ADAM22: variants seen among roughly 807,000 people sequenced by gnomAD.
ADAM22 encodes disintegrin and metalloproteinase domain-containing protein 22.
A neutral mutation model predicts 144.6 loss-of-function variants in ADAM22; 65 were observed. The ratio of observed to expected loss-of-function variants is 0.45; its 90% CI spans 0.37 to 0.55. The LOEUF (loss-of-function observed/expected upper bound fraction) is 0.55, where lower values mean the gene tolerates loss of function less well. Among genes scored for constraint, ADAM22 ranks in the 20% least tolerant of loss-of-function variants. The probability of loss-of-function intolerance (pLI) is 0.00; values close to 1 mark genes in which losing one functional copy is unlikely to be tolerated. For synonymous variants in ADAM22, 391 were observed against 412.6 expected (o/e 0.95, Z 0.63); for missense variants, 974 against 1,184.9 (o/e 0.82, Z 2.61).
intron 13 of ADAM22, among the ~76,000 whole-genome samples, chr7:88,135,044 C>T (rs138238462): frequency 6.6e-6 from 1 of 151,918 alleles, no homozygotes; most frequent in East Asian, 1.9e-4. Context: ...GAGGCTGAGG[C>T]AGGCGGGTGG....
rs1167994378 is a variant in ADAM22, at chr7:87,982,697, A to ATT, written c.323+4286_323+4287insTT. Reference sequence around the variant, plus strand: ...TATATATATATATATATATATATATATAATTTTTTTTTTTGAGATACAGTT... The same window carrying ATT: ...TATATATATATATATATATATATATATTTAATTTTTTTTTTTGAGATACAGTT... On this transcript the variant is annotated intron_variant, in intron 3 of 31. Transcript: ENST00000413139. Among the ~76,000 whole-genome samples, 5 of 78,868 alleles carry ATT rather than the reference A, an allele frequency of 6.3e-5. 1 individual carries two copies. The highest frequency in any genetic ancestry group is 2.9e-4 in the African/African-American group (5 of 17,116). 51.7% of individuals were successfully genotyped at this position (78,868 alleles called of 152,430 possible). A position where few individuals can be genotyped will look rare whatever the true frequency, so the allele number is the denominator to read the frequency against.
chr7:88,134,517 G>A (rs2129502995), intron 13 of ADAM22, 98 bp downstream of exon 13: 1 of 815,628 alleles, frequency 1.2e-6, no homozygotes. Context: ...CTTGATGAAA[G>A]GAATTTGAAC....
chr7:88,201,478 A>T lies in ADAM22; in HGVS notation c.*4987A>T, dbSNP rs1321971971. On this transcript the variant is annotated 3_prime_UTR_variant, in exon 32 of 32. Transcript: ENST00000413139. Reference sequence around the variant, plus strand: ...TGAGGCCAGATATGCAGGAGAGCACACATTGTCACAAGGGGTGTGGTGGGA... The same window carrying T: ...TGAGGCCAGATATGCAGGAGAGCACTCATTGTCACAAGGGGTGTGGTGGGA... 1 of 152,306 alleles carries T rather than the reference A, an allele frequency of 6.6e-6. No individual in the cohort carries two copies. The highest frequency in any genetic ancestry group is 1.5e-5 in the Non-Finnish European group (1 of 68,142). 9.4% of individuals were successfully genotyped at this position (152,306 alleles called of 1,614,324 possible). A position where few individuals can be genotyped will look rare whatever the true frequency, so the allele number is the denominator to read the frequency against.
intron 13 of ADAM22, among the ~76,000 whole-genome samples, chr7:88,135,725 A>C (rs1388789668): frequency 6.6e-6 from 1 of 152,204 alleles, no homozygotes; most frequent in African/African-American, 2.4e-5. Flanking sequence ...ATTTTAAATA[A>C]ATGGTTTAAA....
intron 4 of ADAM22, among the ~76,000 whole-genome samples, chr7:88,079,837 A>G (rs1215066603): frequency 6.6e-6 from 1 of 152,224 alleles, no homozygotes; most frequent in South Asian, 2.1e-4. Flanking sequence ...GAGCACCCAG[A>G]TGCATAAAGC....
At chr7:88,007,970 A>G (rs1794376755) in intron 3 of ADAM22, among the ~76,000 whole-genome samples, 2 of 152,146 alleles carry the variant, frequency 1.3e-5, no homozygotes, top group African/African-American at 2.4e-5. Flanking sequence ...GCAACCTACA[A>G]AATGGGAGAA....
chr7:88,037,389 A>AT (rs1163629644), intron 3 of ADAM22, among the ~76,000 whole-genome samples: 1 of 152,048 alleles, frequency 6.6e-6, no homozygotes, highest in Non-Finnish European at 1.5e-5. Context: ...AATTATCTCC[A>AT]TTTTTTCTGT....
rs565576149 is a variant in ADAM22 at position 87,940,596 on chromosome 7, A to G, written c.246+5410A>G. Among the ~76,000 whole-genome samples the G allele has an allele frequency of 2.6e-5, 4 of 152,328 alleles. No individual in the cohort carries two copies. In the East Asian group the frequency reaches 5.8e-4, roughly 22 times the overall value. On this transcript the variant is annotated intron_variant, in intron 2 of 31. Transcript: ENST00000413139. ...TTACTGTATGGTTACTTGAATGCATATACTTTATTTTTATCACAAGTGGGA... is the reference window on the plus strand; with the variant it reads ...TTACTGTATGGTTACTTGAATGCATGTACTTTATTTTTATCACAAGTGGGA...
At chr7:87,956,785 C>T (rs1011350008) in intron 2 of ADAM22, among the ~76,000 whole-genome samples, 17 of 152,054 alleles carry the variant, frequency 1.1e-4, no homozygotes, top group African/African-American at 3.9e-4. Flanking sequence ...GTATTTCATT[C>T]GTGAGTAGTG....
intron 5 of ADAM22, among the ~76,000 whole-genome samples, chr7:88,111,318 A>T (rs1825983981): frequency 6.6e-6 from 1 of 152,080 alleles, no homozygotes; most frequent in South Asian, 2.1e-4. Flanking sequence ...TAGATATGAG[A>T]TATATTATGT....
chr7:88,116,268 A>C (rs980361475), intron 6 of ADAM22, among the ~76,000 whole-genome samples: 1 of 151,826 alleles, frequency 6.6e-6, no homozygotes, highest in Non-Finnish European at 1.5e-5. Context: ...TTGCTTTTTC[A>C]TATAGCTTGT....
At chr7:87,954,938 G>A in intron 2 of ADAM22, among the ~76,000 whole-genome samples, 1 of 152,106 alleles carries the variant, frequency 6.6e-6, no homozygotes, top group East Asian at 1.9e-4. Context: ...GGCTCCTGAG[G>A]CTTCTGCATT....
intron 3 of ADAM22, among the ~76,000 whole-genome samples, chr7:88,009,711 C>G (rs577052439): frequency 4.4e-4 from 67 of 152,270 alleles, no homozygotes; most frequent in African/African-American, 1.6e-3. Context: ...CATCTGGTGA[C>G]TGGAAAAATT....
chr7:88,174,220 A>G (rs1443698794), intron 26 of ADAM22, among the ~76,000 whole-genome samples: 5 of 152,132 alleles, frequency 3.3e-5, no homozygotes, highest in Non-Finnish European at 2.9e-5. Context: ...ATTATATTCT[A>G]TGTTTTCTTG....
chr7:88,175,118 T>A (rs1220151880), intron 26 of ADAM22, among the ~76,000 whole-genome samples: 1 of 152,146 alleles, frequency 6.6e-6, no homozygotes. Context: ...TAAATATAAT[T>A]CAATTGATGC....
In ADAM22 at chr7:88,114,638, C is replaced by T. The variant is rs764243604; in HGVS notation, c.528C>T (p.Asp176=). The change falls in exon 6 of 32, where the codon GAC becomes GAT. Residue 176 remains aspartate, a synonymous_variant. Transcript: ENST00000413139. ...HTYLIEPEEN[D]TTQEDFHFHS... ...ATCTCATTGAGCCAGAAGAAAATGA[C>T]ACTACTCAAGTAAGTGCTCCTTCTG... 3.2e-5 allele frequency: 51 copies of T among 1,613,672 alleles called. No homozygotes were observed. The Admixed American group carries it at 8.3e-4, about 26-fold the overall frequency.
chr7:88,023,946 G>GC (rs1167103482), intron 3 of ADAM22, among the ~76,000 whole-genome samples: 1 of 151,814 alleles, frequency 6.6e-6, no homozygotes, highest in Non-Finnish European at 1.5e-5. Context: ...ATGTGAAGTT[G>GC]CTCTTCCTGT....
intron 22 of ADAM22, among the ~76,000 whole-genome samples, chr7:88,158,046 G>T: frequency 6.6e-6 from 1 of 152,136 alleles, no homozygotes; most frequent in East Asian, 1.9e-4. Context: ...CAAAATGAAA[G>T]GATGTGGGAA....
At chr7:87,937,318 T>G (rs1841474203) in intron 2 of ADAM22, among the ~76,000 whole-genome samples, 1 of 152,158 alleles carries the variant, frequency 6.6e-6, no homozygotes, top group Non-Finnish European at 1.5e-5. Context: ...TATTTCTTTT[T>G]TTTCCCCTTG....
Sources: gnomAD v4.1 joint callset for allele counts (sites outside exome capture counted in the v4.1 genomes callset) on GRCh38, gnomAD v4.1.1 for gene constraint, MANE v1.5 for transcripts, NCBI Gene and HGNC (gene_info 2026-07-23, HGNC 2026-07-21) for gene names.